SAP130: variants seen among roughly 807,000 people sequenced by gnomAD.
SAP130 encodes histone deacetylase complex subunit SAP130.
A neutral mutation model predicts 103.2 loss-of-function variants in SAP130; 16 were observed. The ratio of observed to expected loss-of-function variants is 0.16; its 90% confidence interval spans 0.10 to 0.24. The LOEUF is 0.24. Ranked by LOEUF, SAP130 falls within the 10% of genes least tolerant of loss-of-function variation. The pLI is 1.00. For missense variants in SAP130, 990 were observed against 1,359.7 expected (o/e 0.73, Z 4.28); for synonymous variants, 477 against 497.0 (o/e 0.96, Z 0.53).
intron 5 of SAP130, 76 bp from the exon 6 acceptor site, chr2:128,013,230 C>A: frequency 7.3e-7 from 1 of 1,366,516 alleles, no homozygotes; most frequent in Non-Finnish European, 9.7e-7. Context: ...TTTCCCAAAA[C>A]TCAGATAGCA....
chr2:127,997,548 G>GC (rs1255836319), intron 10 of SAP130, among the ~76,000 whole-genome samples: 1 of 152,204 alleles, frequency 6.6e-6, no homozygotes, highest in Non-Finnish European at 1.5e-5. Context: ...GTGATAACAG[G>GC]AATGCCCATC....
chr2:127,961,191 T>C (rs967363294), intron 15 of SAP130, among the ~76,000 whole-genome samples: 5 of 151,986 alleles, frequency 3.3e-5, no homozygotes, highest in African/African-American at 9.7e-5. Context: ...AGTTTCGCCA[T>C]GTTGTCCAGG....
rs910762966 is a variant in SAP130 at position 128,027,366 on chromosome 2, G to C, written c.-7+574C>G. The C allele has an allele frequency of 7.8e-6, 9 of 1,148,590 alleles. No individual in the cohort carries two copies. The African/African-American group carries it at 1.5e-4, about 19-fold the overall frequency. The allele number at this position is 1,148,590 out of a possible 1,614,324, so 71.1% of individuals were successfully genotyped here. ...GCCCGACGCGTCAGTGGAGGCCCAG[G>C]ACCAATCCACAGCGACCTGCACGTT... On this transcript the variant is annotated intron_variant, in intron 1 of 20. Transcript: ENST00000643581.
At chr2:128,002,234 A>G (rs1024745348) in intron 7 of SAP130, among the ~76,000 whole-genome samples, 3 of 152,212 alleles carry the variant, frequency 2.0e-5, no homozygotes, top group East Asian at 1.9e-4. Context: ...TTTAATTAAC[A>G]TAAGATTTAA....
At chr2:128,017,659 A>T in intron 3 of SAP130, 21 bp downstream of exon 3, 1 of 1,598,024 alleles carries the variant, frequency 6.3e-7, no homozygotes, top group Non-Finnish European at 8.6e-7. Flanking sequence ...TTCAGTGTGA[A>T]GTTTTAACCC....
intron 6 of SAP130, among the ~76,000 whole-genome samples, chr2:128,012,671 T>A (rs150163098): frequency 6.6e-6 from 1 of 151,982 alleles, no homozygotes; most frequent in Non-Finnish European, 1.5e-5. Flanking sequence ...TACATAGATA[T>A]ACACCTAACT....
Position 127,957,375 on chromosome 2 carries a change from T to C in SAP130, c.2064-2031A>G, listed in dbSNP as rs879002671. ...CTAGAGTCTGAACTGTATATTTGAA[T>C]AGGCATAAGAAAGAACTGGCTAGGC... On this transcript the variant is annotated intron_variant, in intron 15 of 20. Transcript: ENST00000643581. 3.9e-5 allele frequency among the ~76,000 whole-genome samples: 6 copies of C among 152,166 alleles called. 1 individual carries two copies. Among genetic ancestry groups the C allele is most frequent in the Admixed American group, 2.6e-4 (4 of 15,274 alleles).
chr2:128,027,358 A>G (rs1685593043), intron 1 of SAP130: 1 of 1,134,694 alleles, frequency 8.8e-7, no homozygotes, highest in African/African-American at 1.7e-5. Context: ...GCGTCAGTGG[A>G]GGCCCAGGAC....
In SAP130 at chr2:127,980,468, A is replaced by T. The variant is rs953185446; in HGVS notation, c.1959-2379T>A. On this transcript the variant is annotated intron_variant, in intron 14 of 20. Coordinates refer to ENST00000643581, the MANE Select transcript of SAP130 (RefSeq NM_001330301.2). Reference sequence around the variant, plus strand: ...ACCACGCAGAAAACCATGCTCCATGAAAGTTTAAAACAAGCACACCCTATG... The same window carrying T: ...ACCACGCAGAAAACCATGCTCCATGTAAGTTTAAAACAAGCACACCCTATG... 2.6e-5 allele frequency among the ~76,000 whole-genome samples: 4 copies of T among 152,304 alleles called. No homozygotes were observed. In the South Asian group the frequency reaches 8.3e-4, roughly 32 times the overall value.
chr2:127,957,388 G>A (rs1268672721), intron 15 of SAP130, among the ~76,000 whole-genome samples: 1 of 152,200 alleles, frequency 6.6e-6, no homozygotes, highest in Non-Finnish European at 1.5e-5. Flanking sequence ...GCATAAGAAA[G>A]AACTGGCTAG....
At chr2:127,999,289 AG>A (rs2105079615) in intron 10 of SAP130, among the ~76,000 whole-genome samples, 1 of 152,248 alleles carries the variant, frequency 6.6e-6, no homozygotes, top group East Asian at 1.9e-4. Context: ...TCCAGTCACC[AG>A]TATGTCAGGG....
chr2:127,956,219 G>A (rs554777051), intron 15 of SAP130, among the ~76,000 whole-genome samples: 6 of 152,266 alleles, frequency 3.9e-5, no homozygotes, highest in South Asian at 2.1e-4. Flanking sequence ...GAGGGCAGGC[G>A]TGCCTGGAGA....
chr2:127,991,703 C>T (rs1358116149), intron 12 of SAP130, among the ~76,000 whole-genome samples: 2 of 152,216 alleles, frequency 1.3e-5, no homozygotes, highest in African/African-American at 2.4e-5. Context: ...GTATATTTTA[C>T]TCTTCGAGTA....
intron 5 of SAP130, among the ~76,000 whole-genome samples, chr2:128,013,704 T>C (rs949900281): frequency 4.6e-5 from 7 of 152,190 alleles, no homozygotes; most frequent in Admixed American, 1.3e-4. Flanking sequence ...AAGTCTCCAA[T>C]AAAAGGTAAA....
At chr2:127,943,624 CG>C (rs1421000084) in intron 19 of SAP130, among the ~76,000 whole-genome samples, 1 of 152,166 alleles carries the variant, frequency 6.6e-6, no homozygotes, top group African/African-American at 2.4e-5. Flanking sequence ...TGTATCTAAA[CG>C]TATCTATACA....
At chr2:128,027,322 G>A in intron 1 of SAP130, 1 of 450,600 alleles carries the variant, frequency 2.2e-6, no homozygotes, top group East Asian at 5.3e-5. Flanking sequence ...TGCCTCCCCC[G>A]CCCGCCCATT....
rs1682399579 is a variant in SAP130, at chr2:127,986,455, G to A, written c.1958+330C>T. Among the ~76,000 whole-genome samples, 1 of 152,096 alleles carries A rather than the reference G, an allele frequency of 6.6e-6. No homozygotes were observed. The highest frequency in any genetic ancestry group is 2.4e-5 in the African/African-American group (1 of 41,352). ...AATGAAGTTTATAGTATGAGTTAAGGTAACTACCTACACAAGCCCAAGAGT... is the reference window on the plus strand; with the variant it reads ...AATGAAGTTTATAGTATGAGTTAAGATAACTACCTACACAAGCCCAAGAGT... On this transcript the variant is annotated intron_variant, in intron 14 of 20. Transcript: ENST00000643581. This position sits in a 1 kb window ranked among gnomAD's most constrained non-coding sequence, Gnocchi z 4.7.
intron 14 of SAP130, among the ~76,000 whole-genome samples, chr2:127,982,691 G>A (rs1682041271): frequency 6.6e-6 from 1 of 152,218 alleles, no homozygotes; most frequent in African/African-American, 2.4e-5. Context: ...GCAATTTGCT[G>A]TACATGTGCC....
In SAP130 at chr2:128,027,240, C is replaced by A. The variant is rs574378522; in HGVS notation, c.-7+700G>T. ...CGCCCGGGGCCCGCTGCTGTCCAGCCCCGCTGGCCCCACTCACCCCCGCCA... is the reference window on the plus strand; with the variant it reads ...CGCCCGGGGCCCGCTGCTGTCCAGCACCGCTGGCCCCACTCACCCCCGCCA... On this transcript the variant is annotated intron_variant, in intron 1 of 20. Transcript: ENST00000643581. 1,709 of 1,192,652 alleles carry A rather than the reference C, an allele frequency of 1.4e-3. 16 individuals are homozygous for A. The highest frequency in any genetic ancestry group is 1.0e-3 in the Middle Eastern group (3 of 2,978). 73.9% of individuals were successfully genotyped at this position (1,192,652 alleles called of 1,614,324 possible).
Sources: allele counts gnomAD v4.1 joint callset (sites outside exome capture counted in the v4.1 genomes callset), GRCh38; gene constraint gnomAD v4.1.1; non-coding constraint Gnocchi (gnomAD v3.1); transcripts MANE v1.5; gene names NCBI Gene and HGNC (gene_info 2026-07-23, HGNC 2026-07-21).